The following TXNRD1 variants were observed in gnomAD, a reference collection of about 807,000 sequenced individuals.
TXNRD1 encodes thioredoxin reductase 1, cytoplasmic.
A neutral mutation model predicts 80.3 loss-of-function variants in TXNRD1; 57 were observed. The ratio of observed to expected loss-of-function variants is 0.71; its 90% CI spans 0.57 to 0.89. TXNRD1 has a LOEUF of 0.89. Among genes scored for constraint, TXNRD1 ranks in the 40% least tolerant of loss-of-function variants. The probability of loss-of-function intolerance (pLI) is 0.00; values close to 1 mark genes in which losing one functional copy is unlikely to be tolerated. For missense variants in TXNRD1, 730 were observed against 803.0 expected (o/e 0.91, Z 1.10); for synonymous variants, 291 against 285.2 (o/e 1.02, Z -0.20).
At chr12:104,281,508 G>A (rs553312331) in intron 3 of TXNRD1, among the ~76,000 whole-genome samples, 10 of 144,016 alleles carry the variant, frequency 6.9e-5, no homozygotes, top group African/African-American at 2.3e-4. Context: ...CCGGGTTCAC[G>A]CCATTCTCCT....
At chr12:104,219,574 A>G (rs2032303043) in intron 1 of TXNRD1, among the ~76,000 whole-genome samples, 1 of 152,202 alleles carries the variant, frequency 6.6e-6, no homozygotes, top group Admixed American at 6.6e-5. Flanking sequence ...GGAGAATGGC[A>G]GAGGGAGTTA....
chr12:104,265,759 A>G (rs4569072), intron 3 of TXNRD1: 1,079,341 of 1,585,998 alleles, frequency 0.68, 369,041 homozygotes, highest in East Asian at 0.86. Context: ...CTCCAAGATC[A>G]AGTTCCCGCT....
intron 15 of TXNRD1, among the ~76,000 whole-genome samples, chr12:104,336,403 T>A (rs2135877111): frequency 6.6e-6 from 1 of 152,340 alleles, no homozygotes; most frequent in Non-Finnish European, 1.5e-5. Flanking sequence ...TGCTCTTTTG[T>A]CATGAGTAAT....
At position 104,249,972 on chromosome 12, in the gene TXNRD1, CATAATGATTAATAATA is replaced by C. The variant is rs138563714; in HGVS notation, c.92-1537_92-1522del. On this transcript the variant is annotated intron_variant, in intron 1 of 16. Transcript: ENST00000525566. Reference sequence around the variant, plus strand: ...AAAAAAAAAGTGAAAGCTTACTAGACATAATGATTAATAATAATAATGATTAATAATAAACATTTTG... The same window carrying C: ...AAAAAAAAAGTGAAAGCTTACTAGACATAATGATTAATAATAAACATTTTG... 5.2e-3 allele frequency among the ~76,000 whole-genome samples: 760 copies of C among 146,220 alleles called. 39 individuals are homozygous for C. In the East Asian group the frequency reaches 0.12, roughly 24 times the overall value.
chr12:104,331,771 C>A, intron 14 of TXNRD1, 130 bp downstream of exon 14: 1 of 601,550 alleles, frequency 1.7e-6, no homozygotes, highest in Non-Finnish European at 2.9e-6. Context: ...TCATATATTA[C>A]TAACATTGTG....
At chr12:104,317,869 A>C (rs984809520) in intron 7 of TXNRD1, among the ~76,000 whole-genome samples, 1 of 152,120 alleles carries the variant, frequency 6.6e-6, no homozygotes, top group African/African-American at 2.4e-5. Flanking sequence ...GCTGGGTGCA[A>C]TGACTCATGC....
At chr12:104,264,544 G>A (rs2135716001) in intron 3 of TXNRD1, among the ~76,000 whole-genome samples, 1 of 152,246 alleles carries the variant, frequency 6.6e-6, no homozygotes, top group South Asian at 2.1e-4. Context: ...GGAGACCACA[G>A]TATAATAAAA....
chr12:104,286,208 T>C (rs2033968161), intron 3 of TXNRD1: 1 of 152,236 alleles, frequency 6.6e-6, no homozygotes, highest in African/African-American at 2.4e-5. Context: ...TTATTATGTA[T>C]TTATTCAGCA....
chr12:104,277,332 G>A (rs1242401666), intron 3 of TXNRD1, among the ~76,000 whole-genome samples: 3 of 151,542 alleles, frequency 2.0e-5, no homozygotes, highest in South Asian at 2.1e-4. Flanking sequence ...CCCGGGAGGC[G>A]GAGCTTGCAG....
chr12:104,328,499 G>A (rs1297781011), intron 13 of TXNRD1, among the ~76,000 whole-genome samples: 1 of 152,184 alleles, frequency 6.6e-6, no homozygotes, highest in Non-Finnish European at 1.5e-5. Context: ...GCTCATGCCT[G>A]TAATCCCAGC....
intron 4 of TXNRD1, chr12:104,309,617 C>T (rs1415791527): frequency 4.3e-6 from 2 of 465,998 alleles, no homozygotes; most frequent in Non-Finnish European, 7.6e-6. Context: ...TCCAGCAGAA[C>T]ATCTAACTGG....
At chr12:104,231,084 G>C (rs971656656) in intron 1 of TXNRD1, among the ~76,000 whole-genome samples, 2 of 152,032 alleles carry the variant, frequency 1.3e-5, no homozygotes, top group Admixed American at 6.6e-5. Flanking sequence ...CTAAGAGCCC[G>C]GTCTTCCCTG....
At chr12:104,305,166 C>T (rs2034849404) in intron 4 of TXNRD1, 1 of 389,248 alleles carries the variant, frequency 2.6e-6, no homozygotes, top group Non-Finnish European at 4.6e-6. Flanking sequence ...TATTGAATGC[C>T]CTTTAAGACT....
chr12:104,347,115 T>A (rs1338515765), intron 16 of TXNRD1, among the ~76,000 whole-genome samples: 1 of 151,992 alleles, frequency 6.6e-6, no homozygotes, highest in African/African-American at 2.4e-5. Context: ...AATAATAAAA[T>A]AACGATTTCA....
At chr12:104,267,760 CTCCCTTCCCTTTCCT>C (rs2033562486) in intron 3 of TXNRD1, among the ~76,000 whole-genome samples, 1 of 142,382 alleles carries the variant, frequency 7.0e-6, no homozygotes, top group African/African-American at 2.7e-5. Flanking sequence ...TCCTTCCTCC[CTCCCTTCCCTTTCCT>C]TCCCTTCCCT....
intron 4 of TXNRD1, chr12:104,309,957 A>G (rs1203523773): frequency 6.5e-7 from 1 of 1,535,600 alleles, no homozygotes; most frequent in Admixed American, 2.0e-5. Flanking sequence ...ACAGGTAGCC[A>G]CAGTGCTGTG....
At position 104,346,116 on chromosome 12, in the gene TXNRD1, G is replaced by A. The variant is rs2036482538; in HGVS notation, c.1882-2237G>A. The A allele has an allele frequency of 4.6e-5, 30 of 650,196 alleles. 1 individual carries two copies. The highest frequency in any genetic ancestry group is 3.5e-4 in the South Asian group (24 of 67,718). 40.3% of individuals were successfully genotyped at this position (650,196 alleles called of 1,614,324 possible). On this transcript the variant is annotated intron_variant, in intron 16 of 16. Transcript: ENST00000525566. ...CAGCCTTGACCTTTCAAGCTCAAGC[G>A]ATGTTCCTGCCTCAGTCTCCTGAGT... is the stretch of plus-strand genomic sequence containing the variant.
At chr12:104,222,092 C>T (rs1593677550) in intron 1 of TXNRD1, among the ~76,000 whole-genome samples, 1 of 152,080 alleles carries the variant, frequency 6.6e-6, no homozygotes, top group East Asian at 1.9e-4. Context: ...TTTGTGACTT[C>T]CCCAGCTTGT....
intron 11 of TXNRD1, among the ~76,000 whole-genome samples, chr12:104,326,045 A>T (rs961875571): frequency 4.6e-5 from 7 of 152,192 alleles, no homozygotes; most frequent in African/African-American, 9.7e-5. Context: ...CTTAAAAAAT[A>T]ATTTAGTTAC....
Sources: allele counts gnomAD v4.1 joint callset (sites outside exome capture counted in the v4.1 genomes callset), GRCh38; gene constraint gnomAD v4.1.1; transcripts MANE v1.5; gene names NCBI Gene and HGNC (gene_info 2026-07-23, HGNC 2026-07-21).